Variants in ZNF704 observed in about 807,000 individuals in gnomAD.
ZNF704 encodes the protein zinc finger protein 704.
In ZNF704, 10 loss-of-function variants were observed where a neutral mutation model predicts 44.7. The ratio of observed to expected loss-of-function variants is 0.22; its 90% CI spans 0.14 to 0.38. The LOEUF is 0.38. Among genes scored for constraint, ZNF704 ranks in the 10% least tolerant of loss-of-function variants. ZNF704 has a pLI of 1.00. For synonymous variants in ZNF704, 211 were observed against 207.6 expected (o/e 1.02, Z -0.14); for missense variants, 390 against 545.5 (o/e 0.71, Z 2.84).
At chr8:80,821,663 T>G in intron 1 of ZNF704, 48 bp from the exon 2 acceptor site, 2 of 1,435,394 alleles carry the variant, frequency 1.4e-6, no homozygotes, top group Admixed American at 3.5e-5. Flanking sequence ...ACATCACCTT[T>G]GTACGACTAC....
intron 2 of ZNF704, among the ~76,000 whole-genome samples, chr8:80,742,156 G>A (rs968925427): frequency 6.6e-6 from 1 of 152,128 alleles, no homozygotes; most frequent in African/African-American, 2.4e-5. Flanking sequence ...GGAAAGGAAA[G>A]GGAAATAGAA....
chr8:80,742,187 T>C (rs927259172), intron 2 of ZNF704, among the ~76,000 whole-genome samples: 3 of 152,122 alleles, frequency 2.0e-5, no homozygotes, highest in African/African-American at 7.2e-5. Flanking sequence ...AAGCGGATAT[T>C]GAAGCCAAAA....
At chr8:80,729,913 GA>G (rs904343684) in intron 2 of ZNF704, among the ~76,000 whole-genome samples, 1 of 152,160 alleles carries the variant, frequency 6.6e-6, no homozygotes, top group Admixed American at 6.5e-5. Context: ...TCAAATTTCT[GA>G]TCAGCCTTAC....
intron 1 of ZNF704, among the ~76,000 whole-genome samples, chr8:80,866,006 T>C (rs546176758): frequency 6.6e-6 from 1 of 152,210 alleles, no homozygotes; most frequent in Admixed American, 6.5e-5. Context: ...TGAACACATA[T>C]ATCAGACTTA....
intron 2 of ZNF704, among the ~76,000 whole-genome samples, chr8:80,766,251 G>A (rs1264088486): frequency 6.6e-6 from 1 of 152,072 alleles, no homozygotes; most frequent in Non-Finnish European, 1.5e-5. Context: ...TTAATGTGGG[G>A]CAGAAGAGAG....
rs141325443 is a variant in ZNF704, at chr8:80,785,448, C to A, written c.221+35926G>T. Among the ~76,000 whole-genome samples the A allele has an allele frequency of 1.6e-3, 239 of 152,294 alleles. 2 individuals are homozygous for A. The East Asian group carries it at 0.019, about 12-fold the overall frequency. On this transcript the variant is annotated intron_variant, in intron 2 of 8. Coordinates refer to ENST00000327835, the MANE Select transcript of ZNF704 (RefSeq NM_001033723.3). ...AAAAGTGAAGGGTTATGTTCTACTT[C>A]CTTGAGGTGGGAGTATCGACAAAAG...
At chr8:80,782,721 G>A (rs1032190565) in intron 2 of ZNF704, among the ~76,000 whole-genome samples, 2 of 152,156 alleles carry the variant, frequency 1.3e-5, no homozygotes, top group Admixed American at 1.3e-4. Flanking sequence ...AGGGATCTTG[G>A]GTTGTCAGCA....
Position 80,874,343 on chromosome 8 carries a change from G to C in ZNF704, c.-22+228C>G, listed in dbSNP as rs919836114. ...GCCTCCGCCGCCGCCGCCGCCGCCC[G>C]GGAGCCGCGGGCCGCGCTGCGCTCC... On this transcript the variant is annotated intron_variant, in intron 1 of 8. Coordinates refer to ENST00000327835, the MANE Select transcript of ZNF704 (RefSeq NM_001033723.3). This position sits in a 1 kb window ranked among gnomAD's most constrained non-coding sequence, Gnocchi z 4.4. Among the ~76,000 whole-genome samples the C allele has an allele frequency of 6.9e-6, 1 of 145,266 alleles. No individual in the cohort carries two copies. Among genetic ancestry groups the C allele is most frequent in the Admixed American group, 6.8e-5 (1 of 14,664 alleles).
In ZNF704 at chr8:80,638,005, G is replaced by A. The variant is rs1817687819; in HGVS notation, c.*3361C>T. On this transcript the variant is annotated 3_prime_UTR_variant, in exon 9 of 9. Transcript: ENST00000327835. ...ATGGCAGCTCCCTGGGAGGTACTTAGGGATGGTGACCACCAGCTGATCAGC... is the reference window on the plus strand; with the variant it reads ...ATGGCAGCTCCCTGGGAGGTACTTAAGGATGGTGACCACCAGCTGATCAGC... 1 of 152,252 alleles carries A rather than the reference G, an allele frequency of 6.6e-6. No individual in the cohort carries two copies. Among genetic ancestry groups the A allele is most frequent in the African/African-American group, 2.4e-5 (1 of 41,446 alleles). 9.4% of individuals were successfully genotyped at this position (152,252 alleles called of 1,614,324 possible). A position where few individuals can be genotyped will look rare whatever the true frequency, so the allele number is the denominator to read the frequency against.
At position 80,720,990 on chromosome 8, in the gene ZNF704, G is replaced by A. The variant is rs199649726; in HGVS notation, c.222-27883C>T. ...ATGGGGCCCGCAGAGTAGCACAACC[G>A]CCAGGGTCCCATTCGCATTGTGTGA... On this transcript the variant is annotated intron_variant, in intron 2 of 8. Coordinates refer to ENST00000327835, the MANE Select transcript of ZNF704 (RefSeq NM_001033723.3). Among the ~76,000 whole-genome samples the A allele has an allele frequency of 5.9e-5, 9 of 152,310 alleles. No homozygotes were observed. The East Asian group carries it at 1.4e-3, about 23-fold the overall frequency.
At chr8:80,670,200 C>A (rs1818257550) in intron 5 of ZNF704, among the ~76,000 whole-genome samples, 1 of 152,196 alleles carries the variant, frequency 6.6e-6, no homozygotes, top group South Asian at 2.1e-4. Flanking sequence ...GGCACTCACA[C>A]TTGACCCTGA....
At chr8:80,763,382 A>G (rs1807163892) in intron 2 of ZNF704, among the ~76,000 whole-genome samples, 1 of 152,244 alleles carries the variant, frequency 6.6e-6, no homozygotes, top group South Asian at 2.1e-4. Context: ...TCAAACCTCA[A>G]TTCTTGACTT....
intron 1 of ZNF704, among the ~76,000 whole-genome samples, chr8:80,851,057 T>G (rs1808850494): frequency 6.6e-6 from 1 of 152,244 alleles, no homozygotes; most frequent in Non-Finnish European, 1.5e-5. Flanking sequence ...ACACCTAGGC[T>G]ATATGGTATA....
chr8:80,860,926 C>T (rs541363137), intron 1 of ZNF704, among the ~76,000 whole-genome samples: 7 of 152,236 alleles, frequency 4.6e-5, no homozygotes, highest in African/African-American at 9.6e-5. Context: ...GCTCTCAAAT[C>T]CTAGAGTAGA....
Position 80,717,430 on chromosome 8 carries a change from G to A in ZNF704, c.222-24323C>T, listed in dbSNP as rs960465402. Among the ~76,000 whole-genome samples, 4 of 152,354 alleles carry A rather than the reference G, an allele frequency of 2.6e-5. No homozygotes were observed. In the East Asian group the frequency reaches 5.8e-4, roughly 22 times the overall value. ...GAGACTCTGCAGACTGCAAAACTGG[G>A]TTGAAGTTCTGTTTTTCTACTTATT... On this transcript the variant is annotated intron_variant, in intron 2 of 8. Coordinates refer to ENST00000327835, the MANE Select transcript of ZNF704 (RefSeq NM_001033723.3).
At chr8:80,687,732 G>C (rs1158929124) in intron 3 of ZNF704, among the ~76,000 whole-genome samples, 1 of 152,068 alleles carries the variant, frequency 6.6e-6, no homozygotes, top group East Asian at 1.9e-4. Flanking sequence ...CAAATTCCTT[G>C]GGATCATAGT....
At chr8:80,718,589 G>A (rs1224376461) in intron 2 of ZNF704, among the ~76,000 whole-genome samples, 1 of 152,122 alleles carries the variant, frequency 6.6e-6, no homozygotes, top group Non-Finnish European at 1.5e-5. Flanking sequence ...GTTATGAGAA[G>A]AACACGCCTG....
At chr8:80,808,016 G>A (rs997352711) in intron 2 of ZNF704, among the ~76,000 whole-genome samples, 1 of 152,140 alleles carries the variant, frequency 6.6e-6, no homozygotes, top group Non-Finnish European at 1.5e-5. Flanking sequence ...CAAACAGTGT[G>A]GGGAGAAAGG....
chr8:80,838,732 T>TGGAGGAGGAGGAGGAGGAGGAGGA (rs140901931), intron 1 of ZNF704, among the ~76,000 whole-genome samples: 1 of 128,076 alleles, frequency 7.8e-6, no homozygotes, highest in African/African-American at 3.0e-5. Context: ...GAGCAGACAC[T>TGGAGGAGGAGGAGGAGGAGGAGGA]GGAGGAGGAG....
Sources: gnomAD v4.1 joint callset for allele counts (sites outside exome capture counted in the v4.1 genomes callset) on GRCh38, gnomAD v4.1.1 for gene constraint, Gnocchi (gnomAD v3.1) non-coding constraint, MANE v1.5 for transcripts, NCBI Gene and HGNC (gene_info 2026-07-23, HGNC 2026-07-21) for gene names.